Variants in NTN4 observed in about 807,000 individuals in gnomAD.
NTN4 encodes the protein netrin-4.
A neutral mutation model predicts 73.6 loss-of-function variants in NTN4; 32 were observed. That is an observed-to-expected ratio of 0.44 (90% CI 0.33 to 0.58). The LOEUF is 0.58. NTN4 is among the 20% of genes least tolerant of loss of function. NTN4 has a pLI of 0.04. For synonymous variants in NTN4, 258 were observed against 287.5 expected (o/e 0.90, Z 1.04); for missense variants, 654 against 798.3 (o/e 0.82, Z 2.18).
At chr12:95,668,651 T>A (rs543707536) in intron 8 of NTN4, among the ~76,000 whole-genome samples, 2 of 152,362 alleles carry the variant, frequency 1.3e-5, no homozygotes, top group Non-Finnish European at 2.9e-5. Context: ...TAAAATTTTC[T>A]CCTCATTGTA....
chr12:95,708,875 G>C (rs2078541470), intron 5 of NTN4, among the ~76,000 whole-genome samples: 1 of 152,164 alleles, frequency 6.6e-6, no homozygotes, highest in South Asian at 2.1e-4. Context: ...ACATCACACA[G>C]CTGGCAATTG....
At chr12:95,663,717 A>G (rs1259035081) in intron 9 of NTN4, 2 of 152,268 alleles carry the variant, frequency 1.3e-5, no homozygotes, top group Non-Finnish European at 2.9e-5. Context: ...CAAAGCAAGT[A>G]AACATGTTTT....
At chr12:95,761,947 T>C (rs1197202233) in intron 2 of NTN4, among the ~76,000 whole-genome samples, 2 of 152,112 alleles carry the variant, frequency 1.3e-5, no homozygotes, top group Non-Finnish European at 2.9e-5. Flanking sequence ...TTAAAATTAT[T>C]TTATTACCTC....
At chr12:95,681,190 A>C (rs2078312757) in intron 7 of NTN4, among the ~76,000 whole-genome samples, 1 of 6,910 alleles carries the variant, frequency 1.4e-4, no homozygotes, top group African/African-American at 2.9e-4. Context: ...CTTTGTCTCA[A>C]AAAAAAAAAA....
intron 2 of NTN4, among the ~76,000 whole-genome samples, chr12:95,738,834 T>C (rs1249235993): frequency 6.6e-6 from 1 of 152,112 alleles, no homozygotes; most frequent in African/African-American, 2.4e-5. Context: ...GAGAGGGTAA[T>C]AATTCAGCAG....
chr12:95,738,236 T>TA, intron 2 of NTN4, 92 bp from the exon 3 acceptor site: 1 of 1,176,650 alleles, frequency 8.5e-7, no homozygotes, highest in Non-Finnish European at 1.2e-6. Flanking sequence ...ATTTATGCCT[T>TA]ATGTCATCTG....
At chr12:95,677,721 C>T (rs2078283589) in intron 7 of NTN4, among the ~76,000 whole-genome samples, 1 of 152,186 alleles carries the variant, frequency 6.6e-6, no homozygotes, top group Non-Finnish European at 1.5e-5. Flanking sequence ...AATAGGAATG[C>T]ATTTACACTG....
chr12:95,744,246 T>C (rs1434642334), intron 2 of NTN4, among the ~76,000 whole-genome samples: 1 of 152,232 alleles, frequency 6.6e-6, no homozygotes, highest in Non-Finnish European at 1.5e-5. Context: ...GACTGTTTTA[T>C]CAGTGTATGT....
At chr12:95,712,695 G>A (rs185166759) in intron 4 of NTN4, among the ~76,000 whole-genome samples, 81 of 151,886 alleles carry the variant, frequency 5.3e-4, no homozygotes, top group African/African-American at 1.9e-3. Context: ...TTCACCTCCC[G>A]GTTTCAAGTG....
At chr12:95,660,304 T>C (rs1035429971) in intron 9 of NTN4, among the ~76,000 whole-genome samples, 4 of 152,194 alleles carry the variant, frequency 2.6e-5, no homozygotes, top group African/African-American at 9.7e-5. Context: ...CATGAGCCAC[T>C]GTGCCCAGCC....
At chr12:95,751,408 G>A (rs1024824748) in intron 2 of NTN4, among the ~76,000 whole-genome samples, 3 of 152,180 alleles carry the variant, frequency 2.0e-5, no homozygotes, top group African/African-American at 7.2e-5. Flanking sequence ...AACCGCAGCG[G>A]CCAGGCGTTC....
intron 2 of NTN4, among the ~76,000 whole-genome samples, chr12:95,763,041 A>T (rs2078999353): frequency 6.6e-6 from 1 of 152,330 alleles, no homozygotes; most frequent in South Asian, 2.1e-4. Flanking sequence ...TAAAAATCCT[A>T]AGTTTCTGTG....
intron 1 of NTN4, 100 bp from the exon 2 acceptor site, chr12:95,787,568 G>A (rs1358467706): frequency 4.6e-5 from 54 of 1,171,064 alleles, no homozygotes; most frequent in East Asian, 1.7e-4. Flanking sequence ...CCCCAAAAGC[G>A]CTTGAGACTT....
chr12:95,663,223 T>C (rs528657034), intron 9 of NTN4, among the ~76,000 whole-genome samples: 1 of 152,298 alleles, frequency 6.6e-6, no homozygotes, highest in Admixed American at 6.5e-5. Flanking sequence ...GAATTTACCA[T>C]TAAAGTATAA....
At position 95,687,912 on chromosome 12, in the gene NTN4, A is replaced by C. The variant is rs2078374110; in HGVS notation, c.1181-4201T>G. On this transcript the variant is annotated intron_variant, in intron 5 of 9. Transcript: ENST00000343702. ...GTGGGAATCCTATGTGAAAGAGCCC[A>C]TGTGGGGAATGTGAGAAGTTTAGTG... Among the ~76,000 whole-genome samples the C allele has an allele frequency of 2.0e-5, 3 of 152,234 alleles. No individual in the cohort carries two copies. The South Asian group carries it at 6.2e-4, about 32-fold the overall frequency.
intron 2 of NTN4, among the ~76,000 whole-genome samples, chr12:95,748,447 C>T (rs1332097421): frequency 6.6e-6 from 1 of 150,376 alleles, no homozygotes; most frequent in Admixed American, 6.6e-5. Flanking sequence ...AAAGACAAAT[C>T]ACCTCCATAG....
At position 95,658,949 on chromosome 12, in the gene NTN4, G is replaced by C. The variant is rs1364212117; in HGVS notation, c.*137C>G. The stretch of plus-strand genomic sequence containing the variant: ...ACATGGGTCCAGAAGAGATAAGTTA[G>C]ATAAGACCCATGCATTCAAACATTT... On this transcript the variant is annotated 3_prime_UTR_variant, in exon 10 of 10. Transcript: ENST00000343702. 1.4e-5 allele frequency: 10 copies of C among 732,024 alleles called. No homozygotes were observed. The highest frequency in any genetic ancestry group is 2.2e-5 in the Non-Finnish European group (10 of 449,818). 45.3% of individuals were successfully genotyped at this position (732,024 alleles called of 1,614,324 possible). A position where few individuals can be genotyped will look rare whatever the true frequency, so the allele number is the denominator to read the frequency against.
intron 5 of NTN4, among the ~76,000 whole-genome samples, chr12:95,695,287 A>C (rs966430363): frequency 1.6e-4 from 24 of 152,206 alleles, no homozygotes; most frequent in African/African-American, 5.8e-4. Flanking sequence ...TAAAAAATAA[A>C]TGTACAGTAT....
At chr12:95,730,972 T>C (rs963982131) in intron 3 of NTN4, among the ~76,000 whole-genome samples, 1 of 152,176 alleles carries the variant, frequency 6.6e-6, no homozygotes, top group Non-Finnish European at 1.5e-5. Flanking sequence ...AAGTAAAGGA[T>C]GGTAGATCCA....
Sources: gnomAD v4.1 joint callset for allele counts (sites outside exome capture counted in the v4.1 genomes callset) on GRCh38, gnomAD v4.1.1 for gene constraint, MANE v1.5 for transcripts, NCBI Gene and HGNC (gene_info 2026-07-23, HGNC 2026-07-21) for gene names.